SYNGR1: variants seen among roughly 807,000 people sequenced by gnomAD.
SYNGR1 encodes synaptogyrin-1.
Under a neutral mutation model 26.1 loss-of-function variants are expected in SYNGR1, and 14 were observed. That is an observed-to-expected ratio of 0.54 (90% CI 0.35 to 0.84). The LOEUF (loss-of-function observed/expected upper bound fraction) is 0.84, where lower values mean the gene tolerates loss of function less well. SYNGR1 is among the 40% of genes least tolerant of loss of function. The pLI is 0.01. For synonymous variants in SYNGR1, 141 were observed against 150.1 expected (o/e 0.94, Z 0.44); for missense variants, 319 against 332.9 (o/e 0.96, Z 0.33).
At position 39,385,177 on chromosome 22, in the gene SYNGR1, C is replaced by G. The variant is rs1925621708; in HGVS notation, c.*3263C>G. The G allele has an allele frequency of 2.5e-6, 1 of 395,956 alleles. No homozygotes were observed. Among genetic ancestry groups the G allele is most frequent in the South Asian group, 1.4e-4 (1 of 6,998 alleles). 24.5% of individuals were successfully genotyped at this position (395,956 alleles called of 1,614,324 possible). The stretch of plus-strand genomic sequence containing the variant: ...GGAGCACGAAAGGGGGAATGCCCCT[C>G]CCAGGAGTTTATGGGAGAAGGGACT... On this transcript the variant is annotated 3_prime_UTR_variant, in exon 4 of 4. Coordinates refer to ENST00000328933, the MANE Select transcript of SYNGR1 (RefSeq NM_004711.5).
chr22:39,350,196 GACCCCAACGGGC>G lies in SYNGR1; in HGVS notation c.99+88_99+99del, dbSNP rs1175268892. ...GCGCGCCCGGACCGACCCCGACCCCGACCCCAACGGGCCCCCGGCGGCGGCGCGGCGGCGGGC... is the reference window on the plus strand; with the variant it reads ...GCGCGCCCGGACCGACCCCGACCCCGCCCCGGCGGCGGCGCGGCGGCGGGC... On this transcript the variant is annotated intron_variant, in intron 1 of 3. Transcript: ENST00000328933. This position sits in a 1 kb window ranked among gnomAD's most constrained non-coding sequence, Gnocchi z 4.3. 1 of 534,912 alleles carries G rather than the reference GACCCCAACGGGC, an allele frequency of 1.9e-6. No individual in the cohort carries two copies. The highest frequency in any genetic ancestry group is 5.0e-5 in the East Asian group (1 of 19,894). The allele number at this position is 534,912 out of a possible 1,614,324, so 33.1% of individuals were successfully genotyped here.
intron 2 of SYNGR1, chr22:39,375,817 C>T (rs1482399307): frequency 3.1e-6 from 2 of 643,432 alleles, no homozygotes; most frequent in Non-Finnish European, 5.7e-6. Flanking sequence ...TGACCCTGCC[C>T]TGTCTGTGGC....
At chr22:39,376,390 G>A (rs982987282) in intron 3 of SYNGR1, among the ~76,000 whole-genome samples, 193 bp downstream of exon 3, 18 of 152,142 alleles carry the variant, frequency 1.2e-4, no homozygotes, top group Non-Finnish European at 2.1e-4. Flanking sequence ...TACAGCCCTC[G>A]GGGGTAGCAT....
rs1487644840 is a variant in SYNGR1, at chr22:39,382,166, AT to A, written c.*254del. 3.4e-6 allele frequency: 2 copies of A among 582,432 alleles called. No homozygotes were observed. The highest frequency in any genetic ancestry group is 6.2e-6 in the Non-Finnish European group (2 of 325,170). The allele number at this position is 582,432 out of a possible 1,614,324, so 36.1% of individuals were successfully genotyped here. A position where few individuals can be genotyped will look rare whatever the true frequency, so the allele number is the denominator to read the frequency against. Reference sequence around the variant, plus strand: ...GGGCCAGGGGTATTTGCATTCATACATTGTGTCATCAAGCATTCCTTGAGCG... The same window carrying A: ...GGGCCAGGGGTATTTGCATTCATACATGTGTCATCAAGCATTCCTTGAGCG... On this transcript the variant is annotated 3_prime_UTR_variant, in exon 4 of 4. Transcript: ENST00000328933.
chr22:39,374,169 G>A (rs1925157151), intron 1 of SYNGR1, 147 bp from the exon 2 acceptor site: 1 of 702,582 alleles, frequency 1.4e-6, no homozygotes, highest in Non-Finnish European at 2.5e-6. Flanking sequence ...TCCCTCTCTG[G>A]GGATCCCCCT....
chr22:39,371,472 A>G (rs59056635), intron 1 of SYNGR1, among the ~76,000 whole-genome samples: 5,919 of 103,902 alleles, frequency 0.057, 416 homozygotes, highest in African/African-American at 0.17. Flanking sequence ...GCGAAAGTCC[A>G]TCTCAAAAAA....
At position 39,350,275 on chromosome 22, in the gene SYNGR1, C is replaced by T. The variant is rs1923839319; in HGVS notation, c.99+166C>T. ...TGCGGGGCCCGCTGCCGCCGCTCCTCCTTCCCGGGCCCGGGGCGGGCGGGA... is the reference window on the plus strand; with the variant it reads ...TGCGGGGCCCGCTGCCGCCGCTCCTTCTTCCCGGGCCCGGGGCGGGCGGGA... On this transcript the variant is annotated intron_variant, in intron 1 of 3. Transcript: ENST00000328933. This position sits in a 1 kb window ranked among gnomAD's most constrained non-coding sequence, Gnocchi z 4.3. Among the ~76,000 whole-genome samples the T allele has an allele frequency of 6.6e-6, 1 of 151,872 alleles. No homozygotes were observed. The highest frequency in any genetic ancestry group is 1.5e-5 in the Non-Finnish European group (1 of 67,918).
Position 39,382,013 on chromosome 22 carries a change from G to A in SYNGR1, c.*99G>A. 2 of 1,353,870 alleles carry A rather than the reference G, an allele frequency of 1.5e-6. No homozygotes were observed. Among genetic ancestry groups the A allele is most frequent in the Non-Finnish European group, 2.0e-6 (2 of 981,882 alleles). The allele number at this position is 1,353,870 out of a possible 1,614,324, so 83.9% of individuals were successfully genotyped here. A position where few individuals can be genotyped will look rare whatever the true frequency, so the allele number is the denominator to read the frequency against. On this transcript the variant is annotated 3_prime_UTR_variant, in exon 4 of 4. Coordinates refer to ENST00000328933, the MANE Select transcript of SYNGR1 (RefSeq NM_004711.5). Reference sequence around the variant, plus strand: ...GGCTGCCCTGCCCAGCGCCTCATCAGCCTCTGCCTTGTCCCACTGAGGTCC... The same window carrying A: ...GGCTGCCCTGCCCAGCGCCTCATCAACCTCTGCCTTGTCCCACTGAGGTCC...
intron 1 of SYNGR1, among the ~76,000 whole-genome samples, chr22:39,351,377 A>C (rs1923899747): frequency 6.6e-6 from 1 of 152,176 alleles, no homozygotes; most frequent in African/African-American, 2.4e-5. Context: ...TTTCTTCTCA[A>C]ATGCCGTCAG....
intron 1 of SYNGR1, among the ~76,000 whole-genome samples, chr22:39,371,264 G>A (rs1925004186): frequency 6.6e-6 from 1 of 151,822 alleles, no homozygotes; most frequent in Non-Finnish European, 1.5e-5. Context: ...ATCACCTGAG[G>A]TCGGGAGTTT....
rs892765156 is a variant in SYNGR1 at position 39,382,690 on chromosome 22, AG to A, written c.*779del. On this transcript the variant is annotated 3_prime_UTR_variant, in exon 4 of 4. Coordinates refer to ENST00000328933, the MANE Select transcript of SYNGR1 (RefSeq NM_004711.5). ...GACACCCTGATTCTGCTGCATGCCA[AG>A]GGCCTGTTCTGCCCCAGCTGTTCCT... 3.3e-5 allele frequency: 5 copies of A among 153,006 alleles called. No individual in the cohort carries two copies. The highest frequency in any genetic ancestry group is 5.8e-5 in the Non-Finnish European group (4 of 68,716). 9.5% of individuals were successfully genotyped at this position (153,006 alleles called of 1,614,324 possible).
chr22:39,371,749 T>G (rs1925031930), intron 1 of SYNGR1, among the ~76,000 whole-genome samples: 2 of 152,252 alleles, frequency 1.3e-5, no homozygotes, highest in South Asian at 4.2e-4. Flanking sequence ...CCTCCTAAAG[T>G]GCTGGGATTA....
chr22:39,360,741 C>T (rs887443986), intron 1 of SYNGR1, among the ~76,000 whole-genome samples: 3 of 152,070 alleles, frequency 2.0e-5, no homozygotes, highest in African/African-American at 7.2e-5. Flanking sequence ...AGCACAGACC[C>T]CTAGAGAGGG....
Position 39,350,168 on chromosome 22 carries a change from GC to G in SYNGR1, c.99+60del. On this transcript the variant is annotated intron_variant, in intron 1 of 3. Transcript: ENST00000328933. The surrounding 1 kb of genome is among the most constrained non-coding windows in gnomAD (Gnocchi z 4.3). ...CGGGGTGGTGGGGGTGTGAGCAAAG[GC>G]GGCGCGCCCGGACCGACCCCGACCC... 8.0e-7 allele frequency: 1 copy of G among 1,249,392 alleles called. No individual in the cohort carries two copies. The highest frequency in any genetic ancestry group is 1.7e-5 in the South Asian group (1 of 58,490). The allele number at this position is 1,249,392 out of a possible 1,614,324, so 77.4% of individuals were successfully genotyped here. A position where few individuals can be genotyped will look rare whatever the true frequency, so the allele number is the denominator to read the frequency against.
At chr22:39,374,685 T>C (rs1372898390) in intron 2 of SYNGR1, 132 bp downstream of exon 2, 2 of 971,916 alleles carry the variant, frequency 2.1e-6, no homozygotes, top group South Asian at 2.8e-5. Flanking sequence ...AGGGATGGAC[T>C]CAGGGTCACA....
intron 1 of SYNGR1, among the ~76,000 whole-genome samples, chr22:39,360,650 G>A (rs1055700174): frequency 2.0e-5 from 3 of 152,158 alleles, no homozygotes; most frequent in African/African-American, 4.8e-5. Flanking sequence ...AGCACGGGCC[G>A]GATGAGGTGC....
chr22:39,371,615 A>G (rs1347251374), intron 1 of SYNGR1, among the ~76,000 whole-genome samples: 2 of 151,996 alleles, frequency 1.3e-5, no homozygotes, highest in Non-Finnish European at 2.9e-5. Flanking sequence ...ACATGACGAA[A>G]CTCCATCTCT....
At chr22:39,368,005 T>C (rs992032504) in intron 1 of SYNGR1, among the ~76,000 whole-genome samples, 3 of 152,158 alleles carry the variant, frequency 2.0e-5, no homozygotes, top group South Asian at 4.1e-4. Context: ...TGGAACATAC[T>C]TCCCCCAGAT....
chr22:39,371,610 A>G (rs1207728075), intron 1 of SYNGR1, among the ~76,000 whole-genome samples: 1 of 152,094 alleles, frequency 6.6e-6, no homozygotes, highest in African/African-American at 2.4e-5. Flanking sequence ...GACAAACATG[A>G]CGAAACTCCA....
Sources: gnomAD v4.1 joint callset for allele counts (sites outside exome capture counted in the v4.1 genomes callset) on GRCh38, gnomAD v4.1.1 for gene constraint, Gnocchi (gnomAD v3.1) non-coding constraint, MANE v1.5 for transcripts, NCBI Gene and HGNC (gene_info 2026-07-23, HGNC 2026-07-21) for gene names.